DPP6: variants seen among roughly 807,000 people sequenced by gnomAD.
DPP6 encodes dipeptidyl peptidase like 6.
Under a neutral mutation model 122.6 loss-of-function variants are expected in DPP6, and 69 were observed. That is an observed-to-expected ratio of 0.56 (90% CI 0.46 to 0.69). The LOEUF is 0.69. Ranked by LOEUF, DPP6 falls within the 30% of genes least tolerant of loss-of-function variation. The pLI, the probability that DPP6 is intolerant of heterozygous loss-of-function variation, is 0.00. For synonymous variants in DPP6, 418 were observed against 433.1 expected, an observed-to-expected ratio of 0.97 and a Z score of 0.43; for missense variants, 928 against 1,116.9, an observed-to-expected ratio of 0.83 and a Z score of 2.41.
chr7:154,472,640 G>T (rs1482687713), intron 2 of DPP6, among the ~76,000 whole-genome samples: 1 of 152,160 alleles, frequency 6.6e-6, no homozygotes, highest in African/African-American at 2.4e-5. Context: ...GAATGTGGCA[G>T]TCTCCTGTGC....
At chr7:153,926,742 A>G (rs892240753) in intron 1 of DPP6, among the ~76,000 whole-genome samples, 1 of 152,032 alleles carries the variant, frequency 6.6e-6, no homozygotes, top group South Asian at 2.1e-4. Flanking sequence ...ATTTCTCCCT[A>G]TGTAGCATTC....
chr7:154,334,088 A>G lies in DPP6; in HGVS notation c.244-112126A>G, dbSNP rs1204163011. Among the ~76,000 whole-genome samples, 9 of 152,274 alleles carry G rather than the reference A, an allele frequency of 5.9e-5. No individual in the cohort carries two copies. The East Asian group carries it at 1.7e-3, about 29-fold the overall frequency. ...TTTAAATTATTCCGGTTATAGGTGT[A>G]TCATCAACACCTTATCTTCAGCAAG... On this transcript the variant is annotated intron_variant, in intron 1 of 25. Coordinates refer to ENST00000377770, the MANE Select transcript of DPP6 (RefSeq NM_130797.4).
chr7:154,769,777 C>T (rs1587084396), intron 9 of DPP6, among the ~76,000 whole-genome samples: 1 of 152,158 alleles, frequency 6.6e-6, no homozygotes, highest in Non-Finnish European at 1.5e-5. Flanking sequence ...TTTTAGGTAA[C>T]CGAACTAATG....
intron 16 of DPP6, among the ~76,000 whole-genome samples, chr7:154,831,079 C>T (rs1454991820): frequency 6.6e-6 from 1 of 152,214 alleles, no homozygotes; most frequent in Non-Finnish European, 1.5e-5. Flanking sequence ...CTCCTTCACC[C>T]TCAGAAGCCA....
intron 6 of DPP6, among the ~76,000 whole-genome samples, chr7:154,666,196 T>TACACACATAC: frequency 1.2e-5 from 1 of 86,598 alleles, no homozygotes; most frequent in East Asian, 2.9e-4. Context: ...TATATATATA[T>TACACACATAC]ATATACACAT....
chr7:154,556,520 C>T (rs1013433334), intron 4 of DPP6, among the ~76,000 whole-genome samples: 2 of 152,184 alleles, frequency 1.3e-5, no homozygotes, highest in African/African-American at 4.8e-5. Context: ...ATGTAAGTCT[C>T]ATTGTACAAA....
intron 1 of DPP6, among the ~76,000 whole-genome samples, chr7:153,982,689 T>C (rs564269635): frequency 6.6e-6 from 1 of 152,280 alleles, no homozygotes; most frequent in South Asian, 2.1e-4. Context: ...TTTCTCTACC[T>C]TTGGTATTTG....
intron 1 of DPP6, among the ~76,000 whole-genome samples, chr7:154,415,836 A>T (rs999177062): frequency 6.6e-6 from 1 of 151,392 alleles, no homozygotes; most frequent in African/African-American, 2.4e-5. Context: ...GAGGCATCCA[A>T]AAATGACAGG....
At chr7:153,830,639 A>G in the DPP6 span, among the ~76,000 whole-genome samples, 1 of 152,168 alleles carries the variant, frequency 6.6e-6, no homozygotes, top group Non-Finnish European at 1.5e-5. Flanking sequence ...CTGTTTAATC[A>G]TTCTTGTGCT....
At chr7:153,823,219 TGCAAGCTCTCCAGTCTTG>T in the DPP6 span, among the ~76,000 whole-genome samples, 7,952 of 151,874 alleles carry the variant, frequency 0.052, 650 homozygotes, top group African/African-American at 0.18. Context: ...GGATTTAATT[TGCAAGCTCTCCAGTCTTG>T]GCTTTGCTCT....
At chr7:154,207,967 A>AT (rs35570593) in intron 1 of DPP6, among the ~76,000 whole-genome samples, 10,230 of 151,400 alleles carry the variant, frequency 0.068, 714 homozygotes, top group African/African-American at 0.17. Context: ...AAAAAAAAAA[A>AT]TTTAAGAATA....
chr7:154,381,158 C>T (rs79335987), intron 1 of DPP6, among the ~76,000 whole-genome samples: 18 of 152,200 alleles, frequency 1.2e-4, no homozygotes, highest in East Asian at 1.2e-3. Flanking sequence ...AGTGGGATCT[C>T]GTTGTACTTT....
At chr7:154,125,292 C>T (rs934810319) in intron 1 of DPP6, among the ~76,000 whole-genome samples, 4 of 152,202 alleles carry the variant, frequency 2.6e-5, no homozygotes, top group African/African-American at 4.8e-5. Flanking sequence ...ACTCATTCTT[C>T]GAAGTCCTTT....
intron 13 of DPP6, among the ~76,000 whole-genome samples, chr7:154,802,103 A>C (rs1416192312): frequency 6.6e-6 from 1 of 151,942 alleles, no homozygotes; most frequent in East Asian, 1.9e-4. Flanking sequence ...CATGGTGTTG[A>C]CTTTGGGGGA....
chr7:154,415,162 C>T (rs984953055), intron 1 of DPP6, among the ~76,000 whole-genome samples: 3 of 152,124 alleles, frequency 2.0e-5, no homozygotes, highest in African/African-American at 7.2e-5. Flanking sequence ...ACACCTGAAA[C>T]CCTTTAGCAC....
chr7:154,298,486 A>G (rs1369265731), intron 1 of DPP6, among the ~76,000 whole-genome samples: 1 of 152,140 alleles, frequency 6.6e-6, no homozygotes, highest in Non-Finnish European at 1.5e-5. Context: ...GCACCTCCAC[A>G]TTCTTATTTT....
chr7:154,331,365 C>T lies in DPP6; in HGVS notation c.244-114849C>T, dbSNP rs189441628. On this transcript the variant is annotated intron_variant, in intron 1 of 25. Transcript: ENST00000377770. ...CTGGCATGGTACAAAAGGTCTCTGC[C>T]GAGGTCTGAGGGACCTCACTTGAGC... Among the ~76,000 whole-genome samples, 223 of 152,264 alleles carry T rather than the reference C, an allele frequency of 1.5e-3. 2 individuals are homozygous for T. Among genetic ancestry groups the T allele is most frequent in the Non-Finnish European group, 2.9e-3 (195 of 68,040 alleles).
At chr7:154,487,110 GTA>G (rs1823865595) in intron 3 of DPP6, among the ~76,000 whole-genome samples, 1 of 152,202 alleles carries the variant, frequency 6.6e-6, no homozygotes, top group South Asian at 2.1e-4. Flanking sequence ...TTTGTTTGCA[GTA>G]TACAGAGGGA....
intron 6 of DPP6, among the ~76,000 whole-genome samples, chr7:154,659,618 C>A (rs537769649): frequency 6.6e-6 from 1 of 152,342 alleles, no homozygotes; most frequent in South Asian, 2.1e-4. Flanking sequence ...GATCCAGTTA[C>A]TCTATTGCCT....
Sources: allele counts gnomAD v4.1 joint callset (sites outside exome capture counted in the v4.1 genomes callset), GRCh38; gene constraint gnomAD v4.1.1; transcripts MANE v1.5; gene names NCBI Gene and HGNC (gene_info 2026-07-23, HGNC 2026-07-21).